The following TIMM23 variants were observed in gnomAD, a reference collection of about 807,000 sequenced individuals.
The protein encoded by TIMM23 is mitochondrial import inner membrane translocase subunit Tim23.
TIMM23 carries 19 observed loss-of-function variants against 30.7 expected under a neutral mutation model. The ratio of observed to expected loss-of-function variants is 0.62; its 90% CI spans 0.43 to 0.91. The LOEUF (loss-of-function observed/expected upper bound fraction) is 0.91. Among genes scored for constraint, TIMM23 ranks in the 40% least tolerant of loss-of-function variants. The pLI is 0.00. For missense variants in TIMM23, 202 were observed against 269.2 expected, an observed-to-expected ratio of 0.75 and a Z score of 1.75; for synonymous variants, 78 against 98.5, an observed-to-expected ratio of 0.79 and a Z score of 1.23.
intron 5 of TIMM23, among the ~76,000 whole-genome samples, chr10:45,987,471 C>T (rs1168127707): frequency 4.6e-5 from 7 of 152,166 alleles, no homozygotes; most frequent in Non-Finnish European, 1.0e-4. Flanking sequence ...TGATAGCAAG[C>T]TCCAGGTTAT....
rs1463743509 is a variant in TIMM23, at chr10:45,991,669, T to C, written c.514+2822T>C. 9.6e-4 allele frequency among the ~76,000 whole-genome samples: 146 copies of C among 152,002 alleles called. 1 individual carries two copies. Among genetic ancestry groups the C allele is most frequent in the African/African-American group, 3.3e-3 (135 of 41,430 alleles). On this transcript the variant is annotated intron_variant, in intron 6 of 6. Coordinates refer to ENST00000580018, the MANE Select transcript of TIMM23 (RefSeq NM_006327.4). ...GGGAGGCTGAGGCAGGAGAATTGCT[T>C]GAACCTGGGAGGTGGAGGTTGCGGT...
At chr10:46,000,034 A>G (rs968364612) in intron 6 of TIMM23, among the ~76,000 whole-genome samples, 2 of 152,176 alleles carry the variant, frequency 1.3e-5, no homozygotes, top group African/African-American at 4.8e-5. Flanking sequence ...TTCCCTGAAC[A>G]TTGCTGGTAC....
At chr10:45,995,021 GTTA>G (rs1422552368) in intron 6 of TIMM23, among the ~76,000 whole-genome samples, 2 of 151,868 alleles carry the variant, frequency 1.3e-5, no homozygotes, top group Non-Finnish European at 2.9e-5. Flanking sequence ...AGTGTTTCGA[GTTA>G]TTAAGACAGG....
At chr10:45,992,335 G>C in intron 6 of TIMM23, 1 of 452,506 alleles carries the variant, frequency 2.2e-6, no homozygotes, top group Non-Finnish European at 4.4e-6. Context: ...ATTCTCAGTT[G>C]TTTGGGTGAT....
rs1564914003 is a variant in TIMM23 at position 46,003,373 on chromosome 10, A to G, written c.*55A>G. The G allele has an allele frequency of 1.6e-6, 2 of 1,237,938 alleles. No homozygotes were observed. Among genetic ancestry groups the G allele is most frequent in the Admixed American group, 1.8e-5 (1 of 54,220 alleles). The allele number at this position is 1,237,938 out of a possible 1,614,324, so 76.7% of individuals were successfully genotyped here. On this transcript the variant is annotated 3_prime_UTR_variant, in exon 7 of 7. Coordinates refer to ENST00000580018, the MANE Select transcript of TIMM23 (RefSeq NM_006327.4). ...CTTCAGTAGTCATCTAGATCCTTTT[A>G]TAAGACAGTTTGGAGTTATTCTCTC... is the stretch of plus-strand genomic sequence containing the variant.
chr10:45,988,876 C>T (rs1297493238), intron 6 of TIMM23, 29 bp downstream of exon 6: 1 of 1,605,936 alleles, frequency 6.2e-7, no homozygotes, highest in East Asian at 2.2e-5. Flanking sequence ...GGAGCCATCT[C>T]TTAATACACT....
At position 45,979,457 on chromosome 10, in the gene TIMM23, T is replaced by C. The variant is rs1837777560; in HGVS notation, c.166-3066T>C. Among the ~76,000 whole-genome samples, 3 of 149,238 alleles carry C rather than the reference T, an allele frequency of 2.0e-5. No individual in the cohort carries two copies. In the Admixed American group the frequency reaches 2.0e-4, roughly 10 times the overall value. On this transcript the variant is annotated intron_variant, in intron 2 of 6. Coordinates refer to ENST00000580018, the MANE Select transcript of TIMM23 (RefSeq NM_006327.4). ...GGCTGCAGATGAACACCACCATGCC[T>C]GGCTAATTCTTTTTTTTTTTACATT... is the stretch of plus-strand genomic sequence containing the variant.
chr10:45,973,354 C>G (rs1837557736), intron 1 of TIMM23, among the ~76,000 whole-genome samples: 1 of 152,136 alleles, frequency 6.6e-6, no homozygotes, highest in African/African-American at 2.4e-5. Context: ...TCTCCTCGGT[C>G]TTGTGAAAAT....
chr10:45,991,643 C>T (rs1415256872), intron 6 of TIMM23, among the ~76,000 whole-genome samples: 1 of 151,622 alleles, frequency 6.6e-6, no homozygotes, highest in African/African-American at 2.4e-5. Flanking sequence ...CCCAGCTACT[C>T]GGGAGGCTGA....
At chr10:45,978,017 G>GT (rs1195823460) in intron 2 of TIMM23, among the ~76,000 whole-genome samples, 1 of 151,774 alleles carries the variant, frequency 6.6e-6, no homozygotes, top group Admixed American at 6.6e-5. Flanking sequence ...GGGCAACAGA[G>GT]TAAGACTCGG....
chr10:45,996,198 G>A (rs1201729878), intron 6 of TIMM23, among the ~76,000 whole-genome samples: 62 of 142,964 alleles, frequency 4.3e-4, no homozygotes, highest in Non-Finnish European at 7.5e-5. Context: ...CGTCTCTACT[G>A]AAAATACAAA....
rs1837578664 is a variant in TIMM23, at chr10:45,973,828, C to G, written c.106+1098C>G. ...CTGGCTAATTTTTTTTTTTTTTTGACTTATTGTGGAGATGGGGTCTCCCTG... is the reference window on the plus strand; with the variant it reads ...CTGGCTAATTTTTTTTTTTTTTTGAGTTATTGTGGAGATGGGGTCTCCCTG... On this transcript the variant is annotated intron_variant, in intron 1 of 6. Transcript: ENST00000580018. 1.5e-4 allele frequency among the ~76,000 whole-genome samples: 22 copies of G among 147,392 alleles called. No homozygotes were observed. The South Asian group carries it at 4.7e-3, about 32-fold the overall frequency.
chr10:45,980,614 C>CTTTTT (rs368364972), intron 2 of TIMM23, among the ~76,000 whole-genome samples: 2 of 151,608 alleles, frequency 1.3e-5, no homozygotes, highest in East Asian at 3.9e-4. Flanking sequence ...AAAGTTTTTT[C>CTTTTT]TTTTCCCCCA....
At chr10:46,000,090 C>CA (rs1484853901) in intron 6 of TIMM23, among the ~76,000 whole-genome samples, 4 of 152,190 alleles carry the variant, frequency 2.6e-5, no homozygotes, top group African/African-American at 9.7e-5. Context: ...TGTTCAAACA[C>CA]ACATGCTCTA....
intron 5 of TIMM23, among the ~76,000 whole-genome samples, chr10:45,987,615 ATTTTTTTTTT>A (rs781826848): frequency 3.8e-5 from 3 of 79,138 alleles, no homozygotes; most frequent in East Asian, 3.8e-4. Context: ...TATTATAAAG[ATTTTTTTTTT>A]TTTTTTTTTT....
At chr10:45,974,517 A>G (rs587680259) in intron 1 of TIMM23, among the ~76,000 whole-genome samples, 1 of 152,226 alleles carries the variant, frequency 6.6e-6, no homozygotes, top group Admixed American at 6.5e-5. Context: ...AGTTGGATCC[A>G]TTGAAGTTTG....
At chr10:45,993,424 G>T (rs1340508909) in intron 6 of TIMM23, among the ~76,000 whole-genome samples, 2 of 151,658 alleles carry the variant, frequency 1.3e-5, no homozygotes, top group East Asian at 1.9e-4. Context: ...GGCTAATTTT[G>T]TGTATTTTTA....
In TIMM23 at chr10:46,003,450, G is replaced by A; in HGVS notation, c.*132G>A. 1 of 673,638 alleles carries A rather than the reference G, an allele frequency of 1.5e-6. No individual in the cohort carries two copies. Among genetic ancestry groups the A allele is most frequent in the Non-Finnish European group, 2.5e-6 (1 of 404,806 alleles). The allele number at this position is 673,638 out of a possible 1,614,324, so 41.7% of individuals were successfully genotyped here. ...ATTGGAGATTTTGATTTGCTGTGAT[G>A]AAAATCCTGGATGGCTGACCAAGAC... On this transcript the variant is annotated 3_prime_UTR_variant, in exon 7 of 7. Transcript: ENST00000580018.
At chr10:45,981,877 T>C (rs1590115414) in intron 2 of TIMM23, among the ~76,000 whole-genome samples, 2 of 152,180 alleles carry the variant, frequency 1.3e-5, no homozygotes, top group Non-Finnish European at 2.9e-5. Flanking sequence ...CTCTTCAAAA[T>C]TGGTAACCAT....
Sources: allele counts gnomAD v4.1 joint callset (sites outside exome capture counted in the v4.1 genomes callset), GRCh38; gene constraint gnomAD v4.1.1; transcripts MANE v1.5; gene names NCBI Gene and HGNC (gene_info 2026-07-23, HGNC 2026-07-21).